Variants in SKA2 observed in about 807,000 individuals in gnomAD.
The protein encoded by SKA2 is spindle and kinetochore-associated protein 2.
In SKA2, 13 loss-of-function variants were observed where a neutral mutation model predicts 16.9. The observed-to-expected ratio is 0.77, with a 90% CI of 0.50 to 1.22. The LOEUF is 1.22. Among genes scored for constraint, SKA2 ranks in the 50% most tolerant of loss-of-function variants. SKA2 has a pLI of 0.00. For missense variants in SKA2, 107 were observed against 139.7 expected, an observed-to-expected ratio of 0.77 and a Z score of 1.18; for synonymous variants, 47 against 48.5, an observed-to-expected ratio of 0.97 and a Z score of 0.13.
At chr17:59,118,410 C>T (rs772567523) in intron 3 of SKA2, 2 of 152,120 alleles carry the variant, frequency 1.3e-5, no homozygotes, top group Non-Finnish European at 1.5e-5. Context: ...GCCCTCTCAC[C>T]CAAGTTTATT....
chr17:59,114,564 C>T (rs537534704), intron 3 of SKA2, among the ~76,000 whole-genome samples: 2 of 152,222 alleles, frequency 1.3e-5, no homozygotes, highest in East Asian at 1.9e-4. Flanking sequence ...CTTCTGGGAC[C>T]ACTGTCATAT....
intron 3 of SKA2, among the ~76,000 whole-genome samples, chr17:59,115,903 C>T (rs1330321417): frequency 6.6e-6 from 1 of 152,120 alleles, no homozygotes; most frequent in East Asian, 1.9e-4. Context: ...TTCTTTATCA[C>T]ACATATTTTG....
chr17:59,137,932 A>G, intron 1 of SKA2: 1 of 431,150 alleles, frequency 2.3e-6, no homozygotes, highest in South Asian at 1.8e-5. Flanking sequence ...AAAACTCATT[A>G]GTGTCTGATA....
chr17:59,130,024 G>A (rs1245914282), intron 2 of SKA2, among the ~76,000 whole-genome samples: 2 of 127,042 alleles, frequency 1.6e-5, no homozygotes, highest in Non-Finnish European at 3.3e-5. Context: ...AGGGAGGGAG[G>A]AAGAGAGAAA....
Position 59,111,158 on chromosome 17 carries a change from A to C in SKA2, c.*1119T>G, listed in dbSNP as rs1356098002. Reference sequence around the variant, plus strand: ...CACAGGGTCATAGCTAGAATTTAAAAGCTGCTACTTACATCTCAGATATGA... The same window carrying C: ...CACAGGGTCATAGCTAGAATTTAAACGCTGCTACTTACATCTCAGATATGA... On this transcript the variant is annotated 3_prime_UTR_variant, in exon 4 of 4. Transcript: ENST00000330137. The C allele has an allele frequency of 6.6e-6, 1 of 152,214 alleles. No homozygotes were observed. The allele number at this position is 152,214 out of a possible 1,614,324, so 9.4% of individuals were successfully genotyped here.
intron 1 of SKA2, among the ~76,000 whole-genome samples, chr17:59,148,514 G>C (rs938462013): frequency 2.0e-5 from 3 of 151,986 alleles, no homozygotes; most frequent in Admixed American, 2.0e-4. Context: ...ACCTCCCCAG[G>C]CTCAGGTGAT....
intron 1 of SKA2, among the ~76,000 whole-genome samples, chr17:59,144,892 G>T (rs1351444929): frequency 6.6e-6 from 1 of 152,130 alleles, no homozygotes; most frequent in East Asian, 1.9e-4. Context: ...CACCTCCCGG[G>T]TTCAAGCAAT....
At position 59,110,361 on chromosome 17, in the gene SKA2, T is replaced by C. The variant is rs1255124596; in HGVS notation, c.*1916A>G. 1 of 152,200 alleles carries C rather than the reference T, an allele frequency of 6.6e-6. No homozygotes were observed. Among genetic ancestry groups the C allele is most frequent in the African/African-American group, 2.4e-5 (1 of 41,456 alleles). The allele number at this position is 152,200 out of a possible 1,614,324, so 9.4% of individuals were successfully genotyped here. A position where few individuals can be genotyped will look rare whatever the true frequency, so the allele number is the denominator to read the frequency against. ...AGAATTTATTATGATCTCTCCATGA[T>C]ACTACCGTTTTTTCAATCCCAACAA... On this transcript the variant is annotated 3_prime_UTR_variant, in exon 4 of 4. Coordinates refer to ENST00000330137, the MANE Select transcript of SKA2 (RefSeq NM_182620.4).
At chr17:59,114,409 G>A (rs116150172) in intron 3 of SKA2, among the ~76,000 whole-genome samples, 3,674 of 152,202 alleles carry the variant, frequency 0.024, 118 homozygotes, top group African/African-American at 0.073. Context: ...TATACACTCA[G>A]GCTATATGGT....
chr17:59,130,196 T>C (rs1278409450), intron 2 of SKA2, among the ~76,000 whole-genome samples: 1 of 152,106 alleles, frequency 6.6e-6, no homozygotes, highest in Non-Finnish European at 1.5e-5. Flanking sequence ...TTTCCCAATT[T>C]TCTATAAAAT....
At chr17:59,142,728 G>A (rs1161705406) in intron 1 of SKA2, among the ~76,000 whole-genome samples, 1 of 151,432 alleles carries the variant, frequency 6.6e-6, no homozygotes, top group African/African-American at 2.4e-5. Context: ...GAGGTTCAAG[G>A]CCAGCTTGAC....
intron 1 of SKA2, among the ~76,000 whole-genome samples, chr17:59,152,608 G>A (rs1343026384): frequency 6.6e-6 from 1 of 152,054 alleles, no homozygotes; most frequent in Admixed American, 6.6e-5. Flanking sequence ...CTTTTACCTT[G>A]ACAAATCCTT....
At chr17:59,152,440 G>C (rs1247130848) in intron 1 of SKA2, among the ~76,000 whole-genome samples, 1 of 152,020 alleles carries the variant, frequency 6.6e-6, no homozygotes, top group Non-Finnish European at 1.5e-5. Context: ...TTTAACGCTG[G>C]TAGCCAAGTT....
chr17:59,114,241 A>G (rs1432317641), intron 3 of SKA2, among the ~76,000 whole-genome samples: 2 of 152,204 alleles, frequency 1.3e-5, no homozygotes, highest in South Asian at 2.1e-4. Context: ...GGCCAGATTC[A>G]TCTCAGGCAC....
rs543222598 is a variant in SKA2, at chr17:59,122,589, C to T, written c.121-3094G>A. ...TGGTACCACTGCACTCCAGCCTGGG[C>T]GACAGAGCAAGACTCCATCTCAAAA... On this transcript the variant is annotated intron_variant, in intron 2 of 3. Transcript: ENST00000330137. 5.9e-4 allele frequency among the ~76,000 whole-genome samples: 90 copies of T among 152,050 alleles called. 1 individual carries two copies. The highest frequency in any genetic ancestry group is 1.7e-3 in the African/African-American group (70 of 41,462).
chr17:59,111,919 C>A lies in SKA2; in HGVS notation c.*358G>T, dbSNP rs2046265985. ...AATGACTGAAATGTACATAAACATT[C>A]TTTTATGATAGACCAGAACATCTAT... On this transcript the variant is annotated 3_prime_UTR_variant, in exon 4 of 4. Coordinates refer to ENST00000330137, the MANE Select transcript of SKA2 (RefSeq NM_182620.4). The A allele has an allele frequency of 5.2e-6, 1 of 192,970 alleles. No individual in the cohort carries two copies. The highest frequency in any genetic ancestry group is 1.1e-5 in the Non-Finnish European group (1 of 88,732). The allele number at this position is 192,970 out of a possible 1,614,324, so 12.0% of individuals were successfully genotyped here. A position where few individuals can be genotyped will look rare whatever the true frequency, so the allele number is the denominator to read the frequency against.
chr17:59,117,704 C>T (rs570232909), intron 3 of SKA2, among the ~76,000 whole-genome samples: 161 of 151,946 alleles, frequency 1.1e-3, no homozygotes, highest in Non-Finnish European at 1.9e-3. Context: ...AGATTATAGG[C>T]ATGAGCCACT....
intron 1 of SKA2, among the ~76,000 whole-genome samples, chr17:59,140,053 A>G (rs373271136): frequency 6.6e-6 from 1 of 152,160 alleles, no homozygotes; most frequent in African/African-American, 2.4e-5. Flanking sequence ...TGGAGAAAGT[A>G]TTGACTATTA....
chr17:59,139,037 A>G (rs1269086775), intron 1 of SKA2, among the ~76,000 whole-genome samples: 1 of 152,160 alleles, frequency 6.6e-6, no homozygotes. Flanking sequence ...AGTCTCACCT[A>G]TGGTGGGCTA....
Sources: gnomAD v4.1 joint callset for allele counts (sites outside exome capture counted in the v4.1 genomes callset) on GRCh38, gnomAD v4.1.1 for gene constraint, MANE v1.5 for transcripts, NCBI Gene and HGNC (gene_info 2026-07-23, HGNC 2026-07-21) for gene names.